LAMB1: variants seen among roughly 807,000 people sequenced by gnomAD.
The protein encoded by LAMB1 is laminin subunit beta-1.
Under a neutral mutation model 222.3 loss-of-function variants are expected in LAMB1, and 121 were observed. That is an observed-to-expected ratio of 0.54 (90% confidence interval 0.47 to 0.63). LAMB1 has a LOEUF of 0.63. Ranked by LOEUF, LAMB1 falls within the 30% of genes least tolerant of loss-of-function variation. The probability of loss-of-function intolerance (pLI) is 0.00; values close to 1 mark genes in which losing one functional copy is unlikely to be tolerated. For synonymous variants in LAMB1, 794 were observed against 807.2 expected, an observed-to-expected ratio of 0.98 and a Z score of 0.28; for missense variants, 2,172 against 2,240.8, an observed-to-expected ratio of 0.97 and a Z score of 0.62.
At chr7:107,978,298 GGTT>G in intron 8 of LAMB1, 131 bp from the exon 9 acceptor site, 1 of 1,054,570 alleles carries the variant, frequency 9.5e-7, no homozygotes, top group Non-Finnish European at 1.4e-6. Flanking sequence ...AGGGTTGTTT[GGTT>G]GTTTTTATTT....
chr7:107,968,275 C>G (rs2033673896), intron 13 of LAMB1, among the ~76,000 whole-genome samples: 1 of 152,124 alleles, frequency 6.6e-6, no homozygotes, highest in Admixed American at 6.5e-5. Context: ...ATAGAAATGG[C>G]ACATCTTAGA....
chr7:107,957,165 G>T (rs1470623504), intron 20 of LAMB1, among the ~76,000 whole-genome samples: 1 of 152,168 alleles, frequency 6.6e-6, no homozygotes, highest in African/African-American at 2.4e-5. Flanking sequence ...TGCAGCGGGT[G>T]GATCACCTGA....
At chr7:107,955,387 T>C (rs2033352037) in intron 21 of LAMB1, 80 bp downstream of exon 21, 1 of 1,285,964 alleles carries the variant, frequency 7.8e-7, no homozygotes, top group African/African-American at 1.5e-5. Flanking sequence ...TCACTTTGCA[T>C]CTTTTTTTCT....
intron 24 of LAMB1, among the ~76,000 whole-genome samples, chr7:107,948,172 A>C (rs2033161296): frequency 6.6e-6 from 1 of 152,028 alleles, no homozygotes; most frequent in Non-Finnish European, 1.5e-5. Context: ...TTTTTAGTAG[A>C]GATGGGGTTT....
At chr7:107,980,949 T>C in intron 7 of LAMB1, 138 bp from the exon 8 acceptor site, 1 of 605,616 alleles carries the variant, frequency 1.7e-6, no homozygotes, top group South Asian at 2.0e-5. Context: ...ATGATCTAGA[T>C]GACTCCAATA....
chr7:107,974,239 T>C (rs1270610430), intron 12 of LAMB1, among the ~76,000 whole-genome samples: 1 of 152,160 alleles, frequency 6.6e-6, no homozygotes, highest in Non-Finnish European at 1.5e-5. Flanking sequence ...ACTTATCTCA[T>C]AATTATCCTA....
chr7:107,939,759 G>A (rs910654855), intron 25 of LAMB1, among the ~76,000 whole-genome samples: 1 of 152,132 alleles, frequency 6.6e-6, no homozygotes, highest in Non-Finnish European at 1.5e-5. Flanking sequence ...TATAATGCTT[G>A]CATATTCTGT....
intron 20 of LAMB1, among the ~76,000 whole-genome samples, chr7:107,957,278 C>A (rs973303390): frequency 3.9e-5 from 6 of 152,180 alleles, no homozygotes; most frequent in African/African-American, 1.4e-4. Context: ...GTAATCCCAG[C>A]TACTTGGGAG....
chr7:107,966,802 T>C (rs538078266), intron 13 of LAMB1, among the ~76,000 whole-genome samples: 1 of 152,278 alleles, frequency 6.6e-6, no homozygotes, highest in Admixed American at 6.5e-5. Flanking sequence ...AGGCTCCCGG[T>C]GCTGCCTCTA....
Position 107,923,923 on chromosome 7 carries a change from C to T in LAMB1, c.*28G>A. ...TAAAATGTAGTTGTTTTACCTTGTT[C>T]ACCTCAGCCATTTTTTATTCTCCTC... On this transcript the variant is annotated 3_prime_UTR_variant, in exon 34 of 34. Coordinates refer to ENST00000222399, the MANE Select transcript of LAMB1 (RefSeq NM_002291.3). 1 of 1,584,298 alleles carries T rather than the reference C, an allele frequency of 6.3e-7. No individual in the cohort carries two copies. The highest frequency in any genetic ancestry group is 8.5e-7 in the Non-Finnish European group (1 of 1,170,584).
At chr7:107,967,528 C>T (rs868267264) in intron 13 of LAMB1, among the ~76,000 whole-genome samples, 14 of 152,144 alleles carry the variant, frequency 9.2e-5, no homozygotes, top group African/African-American at 3.4e-4. Flanking sequence ...GCCTCCATAA[C>T]CCATCCTCTG....
intron 16 of LAMB1, 95 bp downstream of exon 16, chr7:107,961,454 G>A (rs2033498745): frequency 1.3e-6 from 2 of 1,574,870 alleles, no homozygotes; most frequent in East Asian, 2.3e-5. Context: ...TCAACGTCTG[G>A]CTCTGAAATG....
Position 107,976,130 on chromosome 7 carries a change from A to T in LAMB1, c.1001-253T>A, listed in dbSNP as rs182237405. On this transcript the variant is annotated intron_variant, in intron 9 of 33. Transcript: ENST00000222399. Reference sequence around the variant, plus strand: ...TGACCTCTGTGGAAGAGAATGGGCTATGAAAAATGGAAAACTCTAAGGGAA... The same window carrying T: ...TGACCTCTGTGGAAGAGAATGGGCTTTGAAAAATGGAAAACTCTAAGGGAA... Among the ~76,000 whole-genome samples the T allele has an allele frequency of 2.6e-5, 4 of 152,328 alleles. No homozygotes were observed. In the East Asian group the frequency reaches 7.7e-4, roughly 29 times the overall value.
Position 107,935,429 on chromosome 7 carries a change from C to T in LAMB1, c.4174G>A (p.Ala1392Thr). ...AGKLQSLDLS[A>T]AAEMTCGTPP... is the part of the protein sequence containing the mutation. ...CCAAACCTTACCATTTCGGCAGCGG[C>T]TGAAAGGTCTAGGCTTTGTAGCTTG... Residue 1392 changes from alanine to threonine, a missense_variant, in exon 27 of 34, where the codon GCC becomes ACC. Transcript: ENST00000222399. 3 of 1,556,556 alleles carry T rather than the reference C, an allele frequency of 1.9e-6. No individual in the cohort carries two copies. The highest frequency in any genetic ancestry group is 2.6e-6 in the Non-Finnish European group (3 of 1,149,350).
rs752734751 is a variant in LAMB1 at position 107,932,284 on chromosome 7, G to GC, written c.4281dup (p.Pro1428AlafsTer30). 2 of 1,614,156 alleles carry GC rather than the reference G, an allele frequency of 1.2e-6. No individual in the cohort carries two copies. Among genetic ancestry groups the GC allele is most frequent in the South Asian group, 1.1e-5 (1 of 91,082 alleles). On this transcript the variant is annotated frameshift_variant, in exon 28 of 34. Transcript: ENST00000222399. LOFTEE classifies it high-confidence loss of function. ...ACAGTAACCAGACCACCACAGCCAG[G>GC]CCCCCCACACTTCCTCTCTCCTTCG...
chr7:107,998,642 C>T, intron 3 of LAMB1, 150 bp from the exon 4 acceptor site: 3 of 620,094 alleles, frequency 4.8e-6, no homozygotes, highest in Non-Finnish European at 8.1e-6. Context: ...AGATTTGTAT[C>T]ACATCTTTCA....
chr7:107,952,272 G>GGCAT (rs1424436283), intron 22 of LAMB1, 49 bp from the exon 23 acceptor site: 1 of 1,400,772 alleles, frequency 7.1e-7, no homozygotes, highest in African/African-American at 1.4e-5. Context: ...CAAATACACA[G>GGCAT]GCATGCGGAT....
Position 107,929,515 on chromosome 7 carries a change from G to A in LAMB1, c.4642C>T (p.Arg1548Cys), listed in dbSNP as rs143268795. ...QQLQNLTEDI[R>C]ERVESLSQVE... ...TGAGAAAGGCTTTCAACTCGTTCAC[G>A]TATATCTTCTGTCAAGTTCTGTAAC... The change falls in exon 30 of 34, where the codon CGT (arginine) becomes TGT (cysteine). Residue 1548 changes from arginine to cysteine, a missense_variant. Transcript: ENST00000222399. 1.1e-4 allele frequency: 171 copies of A among 1,613,910 alleles called. 1 individual carries two copies. In the East Asian group the frequency reaches 2.7e-3, roughly 25 times the overall value.
At chr7:107,958,942 G>C (rs1167580615) in intron 20 of LAMB1, among the ~76,000 whole-genome samples, 2 of 152,190 alleles carry the variant, frequency 1.3e-5, no homozygotes, top group Admixed American at 6.5e-5. Flanking sequence ...TCCTCCGCCA[G>C]AATCTGCTGA....
Sources: allele counts gnomAD v4.1 joint callset (sites outside exome capture counted in the v4.1 genomes callset), GRCh38; gene constraint gnomAD v4.1.1; transcripts MANE v1.5; gene names NCBI Gene and HGNC (gene_info 2026-07-23, HGNC 2026-07-21).